AFF3: variants seen among roughly 807,000 people sequenced by gnomAD.
The protein encoded by AFF3 is AF4/FMR2 family member 3.
In AFF3, 32 loss-of-function variants were observed where a neutral mutation model predicts 129.7. The ratio of observed to expected loss-of-function variants is 0.25; its 90% CI spans 0.19 to 0.33. The LOEUF (loss-of-function observed/expected upper bound fraction) is 0.33, where lower values mean the gene tolerates loss of function less well. Among genes scored for constraint, AFF3 ranks in the 10% least tolerant of loss-of-function variants. AFF3 has a pLI of 1.00. For missense variants in AFF3, 1,373 were observed against 1,592.0 expected, an observed-to-expected ratio of 0.86 and a Z score of 2.34; for synonymous variants, 644 against 635.4, an observed-to-expected ratio of 1.01 and a Z score of -0.20.
intron 13 of AFF3, among the ~76,000 whole-genome samples, chr2:99,609,015 C>T (rs1680652562): frequency 6.6e-6 from 1 of 152,054 alleles, no homozygotes; most frequent in East Asian, 1.9e-4. Flanking sequence ...GTTTTACCCA[C>T]TCAGGAATTT....
chr2:99,697,074 T>A (rs1163811327), intron 11 of AFF3, among the ~76,000 whole-genome samples: 1 of 152,230 alleles, frequency 6.6e-6, no homozygotes, highest in Non-Finnish European at 1.5e-5. Context: ...TTTGAAGGCA[T>A]CAAGTCTCTT....
intron 18 of AFF3, among the ~76,000 whole-genome samples, chr2:99,577,815 A>T (rs1012547432): frequency 6.6e-6 from 1 of 152,212 alleles, no homozygotes; most frequent in African/African-American, 2.4e-5. Context: ...AATGGAAGTT[A>T]TACTTGTGTG....
chr2:99,827,368 G>A (rs745458250), intron 8 of AFF3, among the ~76,000 whole-genome samples: 2 of 152,154 alleles, frequency 1.3e-5, no homozygotes, highest in Non-Finnish European at 2.9e-5. Context: ...ACCCAGGAGG[G>A]TGTGACAGAG....
At chr2:100,050,347 C>T (rs947117365) in intron 4 of AFF3, among the ~76,000 whole-genome samples, 1 of 152,122 alleles carries the variant, frequency 6.6e-6, no homozygotes, top group Non-Finnish European at 1.5e-5. Context: ...GGGATAGGGT[C>T]TTGCTCTGTC....
chr2:99,589,397 A>ATTTTTTTT (rs55888825), intron 15 of AFF3, among the ~76,000 whole-genome samples: 4 of 103,382 alleles, frequency 3.9e-5, no homozygotes, highest in Non-Finnish European at 5.6e-5. Flanking sequence ...AGATGTCAAC[A>ATTTTTTTT]TTTTTTTTTT....
intron 7 of AFF3, among the ~76,000 whole-genome samples, chr2:99,912,064 C>T: frequency 6.6e-6 from 1 of 152,156 alleles, no homozygotes; most frequent in South Asian, 2.1e-4. Context: ...GGAAGTAATT[C>T]AGAGATCAAT....
At chr2:99,790,979 G>T (rs1162772488) in intron 8 of AFF3, among the ~76,000 whole-genome samples, 1 of 152,194 alleles carries the variant, frequency 6.6e-6, no homozygotes, top group Non-Finnish European at 1.5e-5. Context: ...CAGAAAGAAC[G>T]AAGCGAGTAC....
chr2:99,724,062 C>G (rs982565394), intron 11 of AFF3, among the ~76,000 whole-genome samples: 2 of 152,020 alleles, frequency 1.3e-5, no homozygotes, highest in African/African-American at 4.8e-5. Context: ...CTGTTACTTT[C>G]GCCACCTACT....
intron 8 of AFF3, among the ~76,000 whole-genome samples, chr2:99,813,935 TTCTG>T (rs1401038694): frequency 1.3e-5 from 2 of 152,168 alleles, no homozygotes; most frequent in African/African-American, 2.4e-5. Flanking sequence ...ATGAAACCCA[TTCTG>T]TCTGTTTTCT....
rs1575321307 is a variant in AFF3, at chr2:99,551,329, C to T, written c.*145G>A. 1 of 1,181,514 alleles carries T rather than the reference C, an allele frequency of 8.5e-7. No homozygotes were observed. Among genetic ancestry groups the T allele is most frequent in the South Asian group, 1.5e-5 (1 of 66,516 alleles). The allele number at this position is 1,181,514 out of a possible 1,614,324, so 73.2% of individuals were successfully genotyped here. On this transcript the variant is annotated 3_prime_UTR_variant, in exon 25 of 25. Coordinates refer to ENST00000672756, the MANE Select transcript of AFF3 (RefSeq NM_001386135.1). ...TACCCACACATACAAACACACATGC[C>T]CTGCAAAAGATCATTGTTCAATGCT...
At chr2:99,648,907 A>ACTCTCT (rs1464965146) in intron 13 of AFF3, among the ~76,000 whole-genome samples, 6 of 39,240 alleles carry the variant, frequency 1.5e-4, no homozygotes, top group Non-Finnish European at 2.4e-4. Flanking sequence ...ACACACACAC[A>ACTCTCT]CACACACACA....
At chr2:99,632,830 G>A (rs1023832103) in intron 13 of AFF3, among the ~76,000 whole-genome samples, 1 of 152,166 alleles carries the variant, frequency 6.6e-6, no homozygotes, top group Admixed American at 6.5e-5. Flanking sequence ...GGTCACTTCA[G>A]TAATTCCTTG....
rs532700987 is a variant in AFF3, at chr2:99,857,111, A to G, written c.874-19587T>C. On this transcript the variant is annotated intron_variant, in intron 7 of 24. Coordinates refer to ENST00000672756, the MANE Select transcript of AFF3 (RefSeq NM_001386135.1). Reference sequence around the variant, plus strand: ...TATTTGCATAGGTACATAGGTTTCAAGAAGATTGCTCAAATGAATATTTAT... The same window carrying G: ...TATTTGCATAGGTACATAGGTTTCAGGAAGATTGCTCAAATGAATATTTAT... Among the ~76,000 whole-genome samples the G allele has an allele frequency of 1.6e-4, 24 of 152,274 alleles. No individual in the cohort carries two copies. In the South Asian group the frequency reaches 5.0e-3, roughly 32 times the overall value.
At chr2:99,960,545 T>C (rs779054155) in intron 7 of AFF3, among the ~76,000 whole-genome samples, 19 of 152,230 alleles carry the variant, frequency 1.2e-4, no homozygotes, top group Non-Finnish European at 5.9e-5. Flanking sequence ...TGCTAAATGC[T>C]GCTCTCCTTA....
At chr2:99,644,865 A>G (rs778892763) in intron 13 of AFF3, among the ~76,000 whole-genome samples, 2 of 152,198 alleles carry the variant, frequency 1.3e-5, no homozygotes, top group Non-Finnish European at 2.9e-5. Context: ...GTCCACACCA[A>G]AGATCCACCT....
intron 7 of AFF3, among the ~76,000 whole-genome samples, chr2:99,987,756 T>TA (rs898240943): frequency 6.6e-6 from 1 of 152,190 alleles, no homozygotes; most frequent in African/African-American, 2.4e-5. Flanking sequence ...GCCCATGTTT[T>TA]AAAAATGTAT....
intron 4 of AFF3, among the ~76,000 whole-genome samples, chr2:100,054,929 C>A (rs566526205): frequency 6.6e-6 from 1 of 152,306 alleles, no homozygotes; most frequent in South Asian, 2.1e-4. Flanking sequence ...TTCCCACCCA[C>A]AAAGAGTGTT....
intron 8 of AFF3, among the ~76,000 whole-genome samples, chr2:99,820,933 C>T (rs563862115): frequency 7.4e-6 from 1 of 134,304 alleles, no homozygotes; most frequent in Admixed American, 8.4e-5. Flanking sequence ...AGTCCAGTGG[C>T]GCAATCTTGG....
intron 2 of AFF3, among the ~76,000 whole-genome samples, chr2:100,114,243 C>T (rs375728764): frequency 8.5e-5 from 13 of 152,292 alleles, no homozygotes; most frequent in African/African-American, 3.1e-4. Flanking sequence ...TGGCCCAGAG[C>T]ACAGTGAAAA....
Sources: gnomAD v4.1 joint callset for allele counts (sites outside exome capture counted in the v4.1 genomes callset) on GRCh38, gnomAD v4.1.1 for gene constraint, MANE v1.5 for transcripts, NCBI Gene and HGNC (gene_info 2026-07-23, HGNC 2026-07-21) for gene names.